The following UVSSA variants were observed in gnomAD, a reference collection of about 807,000 sequenced individuals.
UVSSA encodes the protein UV stimulated scaffold protein A.
In UVSSA, 72 loss-of-function variants were observed where a neutral mutation model predicts 73.9. The ratio of observed to expected loss-of-function variants is 0.97; its 90% confidence interval spans 0.81 to 1.19. The LOEUF (loss-of-function observed/expected upper bound fraction) is 1.19, where lower values mean the gene tolerates loss of function less well. Ranked by LOEUF, UVSSA falls within the 50% of genes most tolerant of loss-of-function variation. UVSSA has a pLI of 0.00. For missense variants in UVSSA, 1,150 were observed against 965.0 expected, an observed-to-expected ratio of 1.19 and a Z score of -2.54; for synonymous variants, 454 against 391.3, an observed-to-expected ratio of 1.16 and a Z score of -1.89.
At chr4:1,381,083 G>T (rs918304854) in intron 12 of UVSSA, 95 bp downstream of exon 12, 3 of 1,149,406 alleles carry the variant, frequency 2.6e-6, no homozygotes, top group South Asian at 3.0e-5. Context: ...CAGAGCACCC[G>T]CTCTGCCAGC....
At position 1,372,781 on chromosome 4, in the gene UVSSA, C is replaced by T. The variant is rs374537017; in HGVS notation, c.1289-2583C>T. Among the ~76,000 whole-genome samples the T allele has an allele frequency of 1.8e-3, 141 of 76,862 alleles. 11 individuals are homozygous for T. The highest frequency in any genetic ancestry group is 0.015 in the East Asian group (17 of 1,136). 50.4% of individuals were successfully genotyped at this position (76,862 alleles called of 152,430 possible). On this transcript the variant is annotated intron_variant, in intron 8 of 13. Transcript: ENST00000389851. ...CACCTCCCGCGTCTCAGGGCACTCA[C>T]CTCCCGCGTCCCTGCACTCACCTCC...
chr4:1,367,007 C>T (rs80235451), intron 8 of UVSSA, among the ~76,000 whole-genome samples: 2,483 of 152,286 alleles, frequency 0.016, 75 homozygotes, highest in African/African-American at 0.057. Flanking sequence ...CACCACCCCG[C>T]GCCTTCCAGG....
chr4:1,376,224 A>C (rs1475079864), intron 10 of UVSSA, 56 bp downstream of exon 10: 1 of 1,538,208 alleles, frequency 6.5e-7, no homozygotes, highest in African/African-American at 1.4e-5. Context: ...TCCCAGCCTG[A>C]GGAGGGGGCT....
intron 7 of UVSSA, among the ~76,000 whole-genome samples, chr4:1,358,308 C>T (rs1037203905): frequency 2.0e-5 from 3 of 152,268 alleles, no homozygotes; most frequent in African/African-American, 7.2e-5. Context: ...AGATGTGCCC[C>T]AGCTGTGCTT....
chr4:1,351,565 A>C, intron 3 of UVSSA, 150 bp from the exon 4 acceptor site: 1 of 747,238 alleles, frequency 1.3e-6, no homozygotes, highest in Non-Finnish European at 2.0e-6. Context: ...TTTTTTTTGT[A>C]TTTTTAGTAG....
At chr4:1,376,715 G>A (rs1325740017) in intron 10 of UVSSA, among the ~76,000 whole-genome samples, 1 of 152,228 alleles carries the variant, frequency 6.6e-6, no homozygotes, top group Non-Finnish European at 1.5e-5. Flanking sequence ...GCGAAAGTCC[G>A]GACCGTTGGG....
rs74603854 is a variant in UVSSA, at chr4:1,368,495, G to A, written c.1288+2064G>A. Among the ~76,000 whole-genome samples the A allele has an allele frequency of 2.6e-3, 393 of 152,314 alleles. 1 individual carries two copies. The highest frequency in any genetic ancestry group is 9.0e-3 in the African/African-American group (374 of 41,574). On this transcript the variant is annotated intron_variant, in intron 8 of 13. Transcript: ENST00000389851. ...TGTGGCCAAACACAACGGTGACAGC[G>A]CTCACTCGTCACCAGGCCTGGCCAT...
chr4:1,342,881 A>C (rs112829061), upstream of UVSSA, among the ~76,000 whole-genome samples: 1,438 of 151,570 alleles, frequency 9.5e-3, 24 homozygotes, highest in African/African-American at 0.033. Flanking sequence ...TATCTTAACT[A>C]TTGCCGTTTT....
chr4:1,359,183 G>A (rs968113721), intron 7 of UVSSA: 5 of 152,268 alleles, frequency 3.3e-5, no homozygotes, highest in Non-Finnish European at 5.9e-5. Flanking sequence ...AGTGGCTTCC[G>A]TCTGGGGACA....
chr4:1,360,669 C>T (rs894792479), intron 7 of UVSSA, among the ~76,000 whole-genome samples: 4 of 152,140 alleles, frequency 2.6e-5, no homozygotes, highest in Admixed American at 2.6e-4. Context: ...GGTCCTTTCC[C>T]GCCCCCGTGA....
At chr4:1,395,355 T>G (rs1720518693) in exon 14 of UVSSA, 1 of 1,524,230 alleles carries the variant, frequency 6.6e-7, no homozygotes, top group Non-Finnish European at 8.8e-7. Context: ...GCCCGCCTGC[T>G]CACATGTGCC....
rs571302290 is a variant in UVSSA at position 1,394,619 on chromosome 4, C to T, written c.*8658C>T. ...CCCATGTGGAGTGCCCGCCTGCTCA[C>T]ACATGTCGATGCGGAGTGCCCGCCT... On this transcript the variant is annotated 3_prime_UTR_variant, in exon 14 of 14. Coordinates refer to the UVSSA transcript ENST00000511216. 7.7e-6 allele frequency: 11 copies of T among 1,425,780 alleles called. No individual in the cohort carries two copies. The East Asian group carries it at 2.4e-4, about 31-fold the overall frequency. The allele number at this position is 1,425,780 out of a possible 1,614,324, so 88.3% of individuals were successfully genotyped here. A position where few individuals can be genotyped will look rare whatever the true frequency, so the allele number is the denominator to read the frequency against.
chr4:1,351,859 G>A (rs10000797), intron 4 of UVSSA, 24 bp downstream of exon 4: 213,004 of 1,610,552 alleles, frequency 0.13, 15,207 homozygotes, highest in African/African-American at 0.24. Flanking sequence ...ACGGAGGGAG[G>A]GGCCCACGCC....
At chr4:1,365,047 C>T (rs902237152) in intron 7 of UVSSA, among the ~76,000 whole-genome samples, 1 of 152,198 alleles carries the variant, frequency 6.6e-6, no homozygotes, top group African/African-American at 2.4e-5. Flanking sequence ...GAAGGTGAGG[C>T]GGAGAAGAGC....
chr4:1,375,152 C>T (rs1718595862), intron 8 of UVSSA: 3 of 704,312 alleles, frequency 4.3e-6, no homozygotes, highest in Non-Finnish European at 4.7e-6. Flanking sequence ...GCCGGACCCC[C>T]CGACGCACGC....
At chr4:1,375,566 C>T in intron 9 of UVSSA, 58 bp downstream of exon 9, 12 of 1,574,012 alleles carry the variant, frequency 7.6e-6, no homozygotes, top group Non-Finnish European at 1.0e-5. Flanking sequence ...CAGCCTCTGC[C>T]CAGAGCACTG....
intron 3 of UVSSA, among the ~76,000 whole-genome samples, chr4:1,350,754 A>G (rs957764246): frequency 1.4e-5 from 2 of 142,214 alleles, no homozygotes; most frequent in Non-Finnish European, 3.0e-5. Flanking sequence ...ACACAGCAAG[A>G]CCGTTGTCTC....
intron 10 of UVSSA, among the ~76,000 whole-genome samples, chr4:1,377,609 C>T (rs1718934463): frequency 1.3e-5 from 2 of 152,176 alleles, no homozygotes; most frequent in African/African-American, 4.8e-5. Flanking sequence ...GATGCCCGTC[C>T]CTCCTCCCAC....
At chr4:1,381,898 C>T (rs1033951832) in intron 12 of UVSSA, among the ~76,000 whole-genome samples, 1 of 152,084 alleles carries the variant, frequency 6.6e-6, no homozygotes, top group East Asian at 1.9e-4. Context: ...GTCTTGAACT[C>T]CTGCATTCTC....
Sources: allele counts gnomAD v4.1 joint callset (sites outside exome capture counted in the v4.1 genomes callset), GRCh38; gene constraint gnomAD v4.1.1; transcripts MANE v1.5; gene names NCBI Gene and HGNC (gene_info 2026-07-23, HGNC 2026-07-21).